CAPN13: variants seen among roughly 807,000 people sequenced by gnomAD.
CAPN13 encodes calpain 13.
A neutral mutation model predicts 98.4 loss-of-function variants in CAPN13; 90 were observed. That is an observed-to-expected ratio of 0.92 (90% CI 0.77 to 1.09). The LOEUF (loss-of-function observed/expected upper bound fraction) is 1.09. Among genes scored for constraint, CAPN13 ranks in the 50% least tolerant of loss-of-function variants. The pLI, the probability that CAPN13 is intolerant of heterozygous loss-of-function variation, is 0.00. For missense variants in CAPN13, 887 were observed against 841.3 expected (o/e 1.05, Z -0.67); for synonymous variants, 330 against 305.5 (o/e 1.08, Z -0.84).
rs1192470287 is a variant in CAPN13, at chr2:30,751,166, A to G, written c.1173T>C (p.Ala391=). 6.2e-7 allele frequency: 1 copy of G among 1,613,940 alleles called. No individual in the cohort carries two copies. The highest frequency in any genetic ancestry group is 8.5e-7 in the Non-Finnish European group (1 of 1,179,838). Residue 391 remains alanine, a synonymous_variant, in exon 11 of 23, where the codon GCT becomes GCC. Coordinates refer to ENST00000295055, the MANE Select transcript of CAPN13 (RefSeq NM_144575.3). Reference sequence around the variant, plus strand: ...CTGCTTTCAAATTTGATGGTGTGACAGCAACTGTGACGCACACGACAACAT... The same window carrying G: ...CTGCTTTCAAATTTGATGGTGTGACGGCAACTGTGACGCACACGACAACAT... The part of the protein sequence containing the change: ...GTNVVVCVTV[A]VTPSNLKAED...
intron 2 of CAPN13, 83 bp from the exon 3 acceptor site, chr2:30,777,722 G>C: frequency 8.5e-7 from 1 of 1,180,756 alleles, no homozygotes. Context: ...GTCTTTCAAG[G>C]GTCGAGGTTA....
intron 22 of CAPN13, among the ~76,000 whole-genome samples, chr2:30,727,150 T>C (rs1414105279): frequency 2.0e-5 from 3 of 152,146 alleles, no homozygotes; most frequent in Non-Finnish European, 4.4e-5. Flanking sequence ...AGAATGAAAT[T>C]AGAACGTTAC....
intron 1 of CAPN13, among the ~76,000 whole-genome samples, chr2:30,797,024 G>A (rs1674920391): frequency 6.6e-6 from 1 of 152,190 alleles, no homozygotes; most frequent in Non-Finnish European, 1.5e-5. Context: ...TGAAAGAGGT[G>A]GCAAATTTTC....
intron 10 of CAPN13, 92 bp downstream of exon 10, chr2:30,752,961 A>G: frequency 7.1e-7 from 1 of 1,406,752 alleles, no homozygotes; most frequent in Admixed American, 1.8e-5. Context: ...ATGGTCCAGA[A>G]TCAAGGACCA....
chr2:30,757,309 G>C (rs1468327826), intron 8 of CAPN13, among the ~76,000 whole-genome samples: 1 of 152,218 alleles, frequency 6.6e-6, no homozygotes, highest in Non-Finnish European at 1.5e-5. Context: ...TCAGCAAGGG[G>C]CTGGGGGCCT....
At chr2:30,789,464 T>C (rs562539131) in intron 1 of CAPN13, among the ~76,000 whole-genome samples, 5 of 152,232 alleles carry the variant, frequency 3.3e-5, no homozygotes, top group Non-Finnish European at 5.9e-5. Flanking sequence ...TAATTGCATA[T>C]AAAAATGAAA....
chr2:30,801,737 G>A (rs1361198490), intron 1 of CAPN13, among the ~76,000 whole-genome samples: 3 of 152,118 alleles, frequency 2.0e-5, no homozygotes, highest in African/African-American at 7.2e-5. Flanking sequence ...AAGGGAGCCA[G>A]GGACAGCCAG....
In CAPN13 at chr2:30,736,725, GTC is replaced by G. The variant is rs1358390780; in HGVS notation, c.1654-156_1654-155del. ...CCCCATGCCAGCTGGCTCCCGCTGT[GTC>G]TGAAAGGGACCTGGCTTAGATTTGT... On this transcript the variant is annotated intron_variant, in intron 17 of 22. Transcript: ENST00000295055. 12 of 650,862 alleles carry G rather than the reference GTC, an allele frequency of 1.8e-5. No homozygotes were observed. In the East Asian group the frequency reaches 2.2e-4, roughly 12 times the overall value. The allele number at this position is 650,862 out of a possible 1,614,324, so 40.3% of individuals were successfully genotyped here.
chr2:30,777,319 G>T (rs1673750712), intron 3 of CAPN13, among the ~76,000 whole-genome samples: 1 of 152,242 alleles, frequency 6.6e-6, no homozygotes, highest in Admixed American at 6.5e-5. Flanking sequence ...TATATAAAAT[G>T]GGGTTGTTGC....
chr2:30,743,178 C>T, intron 13 of CAPN13: 1 of 598,172 alleles, frequency 1.7e-6, no homozygotes, highest in South Asian at 2.0e-5. Context: ...TGGCAATGGA[C>T]CCATCCTGTT....
At chr2:30,751,280 T>C in intron 10 of CAPN13, 29 bp from the exon 11 acceptor site, 1 of 1,610,158 alleles carries the variant, frequency 6.2e-7, no homozygotes, top group Non-Finnish European at 8.5e-7. Context: ...TTACTAGAGC[T>C]CAGCTCCACT....
In CAPN13 at chr2:30,742,319, T is replaced by C; in HGVS notation, c.1479+7A>G. ...GGCTCGCCAGCCAAACCTTGCTGCA[T>C]ACCTACCTTCATTCTGAGGTTGAAA... On this transcript the variant is annotated splice_region_variant and intron_variant, in intron 14 of 22. Coordinates refer to ENST00000295055, the MANE Select transcript of CAPN13 (RefSeq NM_144575.3). 1 of 1,602,398 alleles carries C rather than the reference T, an allele frequency of 6.2e-7. No individual in the cohort carries two copies. Among genetic ancestry groups the C allele is most frequent in the Non-Finnish European group, 8.5e-7 (1 of 1,174,346 alleles).
At chr2:30,763,434 C>T (rs1672947404) in intron 6 of CAPN13, among the ~76,000 whole-genome samples, 1 of 152,234 alleles carries the variant, frequency 6.6e-6, no homozygotes, top group Non-Finnish European at 1.5e-5. Flanking sequence ...CACATGTCAT[C>T]AGTGAGACAC....
At chr2:30,780,936 T>C (rs1357029370) in intron 2 of CAPN13, among the ~76,000 whole-genome samples, 1 of 152,122 alleles carries the variant, frequency 6.6e-6, no homozygotes, top group Non-Finnish European at 1.5e-5. Context: ...ACCAGATGGG[T>C]CAGGCACATG....
At chr2:30,807,004 G>A (rs1011853526) in intron 1 of CAPN13, among the ~76,000 whole-genome samples, 1 of 152,186 alleles carries the variant, frequency 6.6e-6, no homozygotes, top group African/African-American at 2.4e-5. Context: ...AACTTAGAAT[G>A]ATCAGAAATC....
intron 5 of CAPN13, among the ~76,000 whole-genome samples, chr2:30,767,526 A>G (rs1008191388): frequency 6.6e-6 from 1 of 152,214 alleles, no homozygotes; most frequent in South Asian, 2.1e-4. Flanking sequence ...ACATAAGGAT[A>G]AAACGAGGCC....
chr2:30,736,455 G>C, intron 18 of CAPN13, 48 bp downstream of exon 18: 1 of 1,575,290 alleles, frequency 6.3e-7, no homozygotes, highest in Non-Finnish European at 8.7e-7. Context: ...GTAAATCCTT[G>C]CTAACTGGAC....
At chr2:30,771,588 AGGG>A (rs1673415055) in intron 4 of CAPN13, among the ~76,000 whole-genome samples, 1 of 152,230 alleles carries the variant, frequency 6.6e-6, no homozygotes, top group African/African-American at 2.4e-5. Flanking sequence ...GAGAGGCAAC[AGGG>A]ATGGTTTTAG....
At chr2:30,774,095 C>T (rs1673550621) in intron 4 of CAPN13, among the ~76,000 whole-genome samples, 1 of 151,658 alleles carries the variant, frequency 6.6e-6, no homozygotes, top group Admixed American at 6.6e-5. Context: ...AGAAACAACC[C>T]CTATATGAAA....
Sources: gnomAD v4.1 joint callset for allele counts (sites outside exome capture counted in the v4.1 genomes callset) on GRCh38, gnomAD v4.1.1 for gene constraint, MANE v1.5 for transcripts, NCBI Gene and HGNC (gene_info 2026-07-23, HGNC 2026-07-21) for gene names.